CTNND2: variants seen among roughly 807,000 people sequenced by gnomAD.
The protein encoded by CTNND2 is catenin delta-2.
Under a neutral mutation model 144.4 loss-of-function variants are expected in CTNND2, and 22 were observed. The ratio of observed to expected loss-of-function variants is 0.15; its 90% CI spans 0.11 to 0.22. The LOEUF (loss-of-function observed/expected upper bound fraction) is 0.22. Among genes scored for constraint, CTNND2 ranks in the 10% least tolerant of loss-of-function variants. The pLI is 1.00. For missense variants in CTNND2, 1,353 were observed against 1,618.8 expected (o/e 0.84, Z 2.82); for synonymous variants, 751 against 695.6 (o/e 1.08, Z -1.25).
At position 11,023,627 on chromosome 5, in the gene CTNND2, G is replaced by A. The variant is rs1452356665; in HGVS notation, c.2789-648C>T. On this transcript the variant is annotated intron_variant, in intron 16 of 21. Coordinates refer to ENST00000304623, the MANE Select transcript of CTNND2 (RefSeq NM_001332.4). ...GTCCTCTGAACTATAGTAACCTGAT[G>A]CTGTTTGTCTCTCTGATGGGATTTT... Among the ~76,000 whole-genome samples, 4 of 152,276 alleles carry A rather than the reference G, an allele frequency of 2.6e-5. No individual in the cohort carries two copies. In the South Asian group the frequency reaches 6.2e-4, roughly 24 times the overall value.
At chr5:11,255,930 G>A (rs1463338724) in intron 9 of CTNND2, among the ~76,000 whole-genome samples, 5 of 152,110 alleles carry the variant, frequency 3.3e-5, no homozygotes, top group African/African-American at 1.2e-4. Flanking sequence ...TCCCTGTGAG[G>A]CTTCTAAAGG....
At chr5:11,535,349 C>T (rs1000549958) in intron 3 of CTNND2, among the ~76,000 whole-genome samples, 8 of 152,182 alleles carry the variant, frequency 5.3e-5, no homozygotes, top group African/African-American at 1.9e-4. Context: ...GTAAAATGTG[C>T]TTCAAGATAC....
intron 3 of CTNND2, among the ~76,000 whole-genome samples, chr5:11,464,064 T>C (rs1766452010): frequency 6.6e-6 from 1 of 152,196 alleles, no homozygotes; most frequent in African/African-American, 2.4e-5. Context: ...CTAAGTGATA[T>C]GAATAAAAAT....
At chr5:11,688,228 C>A (rs572610451) in intron 2 of CTNND2, among the ~76,000 whole-genome samples, 25 of 152,228 alleles carry the variant, frequency 1.6e-4, no homozygotes, top group African/African-American at 5.5e-4. Context: ...CATGTCTCTG[C>A]CCCCAGAGGA....
At chr5:11,506,196 T>C (rs969033671) in intron 3 of CTNND2, among the ~76,000 whole-genome samples, 3 of 152,158 alleles carry the variant, frequency 2.0e-5, no homozygotes, top group African/African-American at 7.2e-5. Flanking sequence ...GGGGCTATCA[T>C]AGGAGATTGG....
At chr5:11,266,479 T>A (rs1424534319) in intron 9 of CTNND2, among the ~76,000 whole-genome samples, 1 of 152,214 alleles carries the variant, frequency 6.6e-6, no homozygotes, top group Non-Finnish European at 1.5e-5. Flanking sequence ...GGTTAATTAG[T>A]CACCAGTGGC....
chr5:11,814,922 C>A (rs1792544394), intron 1 of CTNND2, among the ~76,000 whole-genome samples: 1 of 152,076 alleles, frequency 6.6e-6, no homozygotes, highest in Non-Finnish European at 1.5e-5. Flanking sequence ...TTAGAATTGA[C>A]CATAGCAGAT....
intron 9 of CTNND2, among the ~76,000 whole-genome samples, chr5:11,331,187 A>C (rs1753108430): frequency 6.6e-6 from 1 of 152,194 alleles, no homozygotes; most frequent in South Asian, 2.1e-4. Flanking sequence ...GAAATATAGC[A>C]GACTTCTTTG....
chr5:11,719,098 A>G lies in CTNND2; in HGVS notation c.174+13038T>C, dbSNP rs375616142. ...GAGAGCTAACTGTCTTCATTTTATC[A>G]GATAATTAAAATCAGTTTCAGAAAT... is the stretch of plus-strand genomic sequence containing the variant. On this transcript the variant is annotated intron_variant, in intron 2 of 21. Transcript: ENST00000304623. Among the ~76,000 whole-genome samples the G allele has an allele frequency of 4.9e-4, 74 of 152,328 alleles. 1 individual carries two copies. Among genetic ancestry groups the G allele is most frequent in the African/African-American group, 1.8e-3 (73 of 41,566 alleles).
chr5:11,765,157 G>T (rs1789509038), intron 1 of CTNND2, among the ~76,000 whole-genome samples: 2 of 150,652 alleles, frequency 1.3e-5, no homozygotes, highest in Admixed American at 1.3e-4. Flanking sequence ...AGAGGATCTT[G>T]CAGTTCTGTG....
intron 9 of CTNND2, among the ~76,000 whole-genome samples, chr5:11,310,822 AGT>A (rs1750720843): frequency 6.8e-6 from 1 of 147,478 alleles, no homozygotes; most frequent in African/African-American, 2.5e-5. Context: ...ATGCACTCAC[AGT>A]CCCATGTGCC....
chr5:11,046,478 TA>T lies in CTNND2; in HGVS notation c.2789-23500del, dbSNP rs1198360464. On this transcript the variant is annotated intron_variant, in intron 16 of 21. Coordinates refer to ENST00000304623, the MANE Select transcript of CTNND2 (RefSeq NM_001332.4). ...CTCCAGCACATTTAACCCATGCAGT[TA>T]GGGGCACTTTGTTATAGGAACCCTA... Among the ~76,000 whole-genome samples the T allele has an allele frequency of 4.6e-5, 7 of 152,352 alleles. No individual in the cohort carries two copies. In the East Asian group the frequency reaches 1.4e-3, roughly 29 times the overall value.
Position 11,089,832 on chromosome 5 carries a change from A to G in CTNND2, c.2638-6986T>C, listed in dbSNP as rs190814115. Among the ~76,000 whole-genome samples the G allele has an allele frequency of 2.6e-5, 4 of 152,318 alleles. No homozygotes were observed. In the East Asian group the frequency reaches 7.7e-4, roughly 29 times the overall value. On this transcript the variant is annotated intron_variant, in intron 15 of 21. Transcript: ENST00000304623. ...CGAGACCAGCCTGGCCAATATAGTG[A>G]AACTCCATCTCTACTAAAAATACAA...
intron 11 of CTNND2, among the ~76,000 whole-genome samples, chr5:11,164,570 T>C (rs984285839): frequency 6.6e-6 from 1 of 152,172 alleles, no homozygotes; most frequent in African/African-American, 2.4e-5. Flanking sequence ...AGGTACCATA[T>C]AGCTCTAGTC....
chr5:11,023,302 G>A (rs61751664), intron 16 of CTNND2, among the ~76,000 whole-genome samples: 6 of 152,272 alleles, frequency 3.9e-5, no homozygotes, highest in South Asian at 2.1e-4. Flanking sequence ...CAAGGTTGCT[G>A]TAAAGCATAA....
intron 9 of CTNND2, among the ~76,000 whole-genome samples, chr5:11,267,562 G>C (rs183343575): frequency 2.0e-5 from 3 of 152,266 alleles, no homozygotes; most frequent in Admixed American, 2.0e-4. Context: ...CAACTCCCTT[G>C]TGTGGGGGCC....
At chr5:11,490,979 C>A (rs993485017) in intron 3 of CTNND2, among the ~76,000 whole-genome samples, 22 of 152,162 alleles carry the variant, frequency 1.4e-4, no homozygotes, top group African/African-American at 4.3e-4. Context: ...CAGAGCGAGA[C>A]CTTGTCTCAA....
At chr5:11,078,087 G>A (rs1749134377) in intron 16 of CTNND2, among the ~76,000 whole-genome samples, 1 of 152,130 alleles carries the variant, frequency 6.6e-6, no homozygotes, top group African/African-American at 2.4e-5. Context: ...ATACCTGTTT[G>A]GAGTCACCAG....
chr5:11,329,846 C>T (rs866202356), intron 9 of CTNND2, among the ~76,000 whole-genome samples: 26 of 152,308 alleles, frequency 1.7e-4, no homozygotes, highest in African/African-American at 4.8e-4. Context: ...TATCCAGCAC[C>T]GTGATCTGTT....
Sources: allele counts gnomAD v4.1 joint callset (sites outside exome capture counted in the v4.1 genomes callset), GRCh38; gene constraint gnomAD v4.1.1; transcripts MANE v1.5; gene names NCBI Gene and HGNC (gene_info 2026-07-23, HGNC 2026-07-21).